Variants in MAF observed in about 807,000 individuals in gnomAD.
MAF encodes MAF bZIP transcription factor.
In MAF, 10 loss-of-function variants were observed where a neutral mutation model predicts 22.0. The observed-to-expected ratio is 0.45, with a 90% CI of 0.28 to 0.77. The LOEUF is 0.77. Among genes scored for constraint, MAF ranks in the 30% least tolerant of loss-of-function variants. MAF has a pLI of 0.12. For missense variants in MAF, 544 were observed against 548.4 expected (o/e 0.99, Z 0.08); for synonymous variants, 337 against 255.8 (o/e 1.32, Z -3.03).
chr16:79,551,755 A>G, the MAF span, among the ~76,000 whole-genome samples: 1 of 152,204 alleles, frequency 6.6e-6, no homozygotes, highest in Non-Finnish European at 1.5e-5. Context: ...TAGCGTCCAT[A>G]AATAAATGCT....
At chr16:79,484,800 C>CGTGT in the MAF span, among the ~76,000 whole-genome samples, 1 of 151,870 alleles carries the variant, frequency 6.6e-6, no homozygotes, top group African/African-American at 2.4e-5. Flanking sequence ...TGCATGTGCA[C>CGTGT]GTGTGTGTGT....
chr16:79,285,791 G>C, the MAF span, among the ~76,000 whole-genome samples: 3 of 152,186 alleles, frequency 2.0e-5, no homozygotes, highest in Non-Finnish European at 4.4e-5. Flanking sequence ...CTTCCCCAAC[G>C]TGACCAGCGC....
chr16:79,239,063 A>G, the MAF span, among the ~76,000 whole-genome samples: 10,960 of 151,948 alleles, frequency 0.072, 580 homozygotes, highest in Middle Eastern at 0.15. Context: ...AGCCACTCCC[A>G]CTGTTGTAGT....
chr16:79,412,426 C>T, the MAF span, among the ~76,000 whole-genome samples: 4 of 152,302 alleles, frequency 2.6e-5, no homozygotes, highest in East Asian at 1.9e-4. Flanking sequence ...CCTTGACAGA[C>T]ATTGGTTGAA....
the MAF span, among the ~76,000 whole-genome samples, chr16:79,365,679 G>C: frequency 1.3e-5 from 2 of 152,144 alleles, no homozygotes; most frequent in African/African-American, 4.8e-5. Context: ...GGCTGAGCTA[G>C]GCTGAATTGG....
the MAF span, among the ~76,000 whole-genome samples, chr16:79,266,238 A>G: frequency 9.2e-5 from 14 of 152,276 alleles, no homozygotes; most frequent in East Asian, 2.7e-3. Context: ...CACTACTCAG[A>G]ATGGCACACA....
At chr16:79,213,770 C>T in the MAF span, among the ~76,000 whole-genome samples, 4 of 147,798 alleles carry the variant, frequency 2.7e-5, no homozygotes, top group Middle Eastern at 3.3e-3. Context: ...AGAAACTGCA[C>T]ATTTCACTCA....
the MAF span, among the ~76,000 whole-genome samples, chr16:79,412,677 G>A: frequency 6.6e-6 from 1 of 152,164 alleles, no homozygotes; most frequent in Admixed American, 6.5e-5. Flanking sequence ...TATAAAATGG[G>A]GATCGCAGTT....
At chr16:79,482,654 T>G in the MAF span, among the ~76,000 whole-genome samples, 1 of 152,106 alleles carries the variant, frequency 6.6e-6, no homozygotes, top group Non-Finnish European at 1.5e-5. Flanking sequence ...GCACGGAGCA[T>G]GCTCACAGCG....
chr16:79,546,955 G>A, the MAF span, among the ~76,000 whole-genome samples: 1 of 152,282 alleles, frequency 6.6e-6, no homozygotes. Flanking sequence ...GATATACTAT[G>A]TGACAATTGA....
the MAF span, among the ~76,000 whole-genome samples, chr16:79,221,366 C>A: frequency 6.6e-6 from 1 of 152,158 alleles, no homozygotes; most frequent in African/African-American, 2.4e-5. Flanking sequence ...GTTTTCTGAA[C>A]AAGAATCCAG....
the MAF span, among the ~76,000 whole-genome samples, chr16:79,253,468 T>C: frequency 3.9e-5 from 6 of 152,206 alleles, no homozygotes; most frequent in African/African-American, 1.4e-4. Flanking sequence ...GTAATTTCTA[T>C]GTAATCCCTT....
the MAF span, among the ~76,000 whole-genome samples, chr16:79,227,518 T>C: frequency 1.3e-5 from 2 of 152,066 alleles, 1 homozygote; most frequent in Non-Finnish European, 2.9e-5. Flanking sequence ...GTAACGGTAC[T>C]GTAATTGTTT....
At chr16:79,517,928 G>C in the MAF span, among the ~76,000 whole-genome samples, 3 of 152,148 alleles carry the variant, frequency 2.0e-5, no homozygotes, top group African/African-American at 7.2e-5. Context: ...CACAATAGTG[G>C]ACCAAGGGCA....
At chr16:79,214,006 G>A in the MAF span, among the ~76,000 whole-genome samples, 1 of 152,222 alleles carries the variant, frequency 6.6e-6, no homozygotes, top group African/African-American at 2.4e-5. Context: ...AACATGCCAA[G>A]CACACTCCCA....
At chr16:79,435,052 T>G in the MAF span, among the ~76,000 whole-genome samples, 1 of 152,176 alleles carries the variant, frequency 6.6e-6, no homozygotes, top group Non-Finnish European at 1.5e-5. Context: ...CGAAGTGAGT[T>G]GACACATCCC....
At chr16:79,541,831 T>C in the MAF span, among the ~76,000 whole-genome samples, 1 of 152,014 alleles carries the variant, frequency 6.6e-6, no homozygotes, top group Non-Finnish European at 1.5e-5. Context: ...AATTTTTGTA[T>C]TTTTACTAGA....
the MAF span, among the ~76,000 whole-genome samples, chr16:79,375,675 C>G: frequency 1.3e-5 from 2 of 152,118 alleles, no homozygotes; most frequent in East Asian, 3.9e-4. Context: ...GCATTTGACT[C>G]TGACAACCAA....
the MAF span, among the ~76,000 whole-genome samples, chr16:79,485,225 C>T: frequency 9.0e-4 from 137 of 152,242 alleles, no homozygotes; most frequent in African/African-American, 3.2e-3. Context: ...AGTGTTTTGA[C>T]CTCTCTGTGC....
Sources: allele counts gnomAD v4.1 joint callset (sites outside exome capture counted in the v4.1 genomes callset), GRCh38; gene constraint gnomAD v4.1.1; transcripts MANE v1.5; gene names NCBI Gene and HGNC (gene_info 2026-07-23, HGNC 2026-07-21).